Variants in GAB2 observed in about 807,000 individuals in gnomAD.
The protein encoded by GAB2 is GRB2-associated-binding protein 2.
Under a neutral mutation model 65.5 loss-of-function variants are expected in GAB2, and 26 were observed. The observed-to-expected ratio is 0.40, with a 90% CI of 0.29 to 0.55. GAB2 has a LOEUF of 0.55. GAB2 is among the 20% of genes least tolerant of loss of function. The probability of loss-of-function intolerance (pLI) is 0.53; values close to 1 mark genes in which losing one functional copy is unlikely to be tolerated. For synonymous variants in GAB2, 321 were observed against 329.6 expected, an observed-to-expected ratio of 0.97 and a Z score of 0.28; for missense variants, 884 against 875.8, an observed-to-expected ratio of 1.01 and a Z score of -0.12.
chr11:78,235,556 C>T (rs558454093), intron 3 of GAB2, among the ~76,000 whole-genome samples: 1 of 152,310 alleles, frequency 6.6e-6, no homozygotes, highest in Non-Finnish European at 1.5e-5. Flanking sequence ...CAAGTCACCT[C>T]TTGAATGCTT....
At chr11:78,237,776 A>G (rs977146544) in intron 3 of GAB2, among the ~76,000 whole-genome samples, 2 of 152,228 alleles carry the variant, frequency 1.3e-5, no homozygotes, top group Non-Finnish European at 2.9e-5. Context: ...AAGTCTCAGA[A>G]GGAATGCCCA....
At chr11:78,248,843 C>G (rs1025377663) in intron 3 of GAB2, among the ~76,000 whole-genome samples, 1 of 152,224 alleles carries the variant, frequency 6.6e-6, no homozygotes, top group Non-Finnish European at 1.5e-5. Context: ...TTATACCACA[C>G]TGCCTATCTC....
chr11:78,283,762 A>G (rs1262234378), intron 1 of GAB2, among the ~76,000 whole-genome samples: 3 of 152,140 alleles, frequency 2.0e-5, no homozygotes, highest in Non-Finnish European at 2.9e-5. Context: ...ACCTGGCTTC[A>G]GCATGCACTC....
intron 1 of GAB2, among the ~76,000 whole-genome samples, chr11:78,346,674 C>CATATAT (rs71046967): frequency 2.7e-4 from 15 of 54,886 alleles, no homozygotes; most frequent in Non-Finnish European, 3.2e-4. Flanking sequence ...ACATCCCCTC[C>CATATAT]ATATATATAT....
At chr11:78,287,700 G>A (rs968317342) in intron 1 of GAB2, among the ~76,000 whole-genome samples, 6 of 149,244 alleles carry the variant, frequency 4.0e-5, no homozygotes, top group African/African-American at 1.5e-4. Flanking sequence ...TCAGGGTGGA[G>A]TGCAGTGGCA....
intron 2 of GAB2, among the ~76,000 whole-genome samples, chr11:78,279,987 A>C (rs375919168): frequency 6.6e-6 from 1 of 152,214 alleles, no homozygotes; most frequent in Non-Finnish European, 1.5e-5. Flanking sequence ...AGATGAGCCT[A>C]AACAAATGTT....
At chr11:78,358,786 C>A (rs528128979) in intron 1 of GAB2, among the ~76,000 whole-genome samples, 1 of 152,130 alleles carries the variant, frequency 6.6e-6, no homozygotes, top group East Asian at 1.9e-4. Flanking sequence ...CCAGGAAAAA[C>A]TGATGACAGA....
intron 3 of GAB2, among the ~76,000 whole-genome samples, chr11:78,237,637 G>T (rs994393373): frequency 2.0e-5 from 3 of 152,068 alleles, no homozygotes; most frequent in Non-Finnish European, 2.9e-5. Flanking sequence ...AAAAAGGGTG[G>T]GGAAATGTAG....
chr11:78,352,395 A>T (rs936509603), intron 1 of GAB2, among the ~76,000 whole-genome samples: 1 of 152,216 alleles, frequency 6.6e-6, no homozygotes, highest in East Asian at 1.9e-4. Flanking sequence ...AAGGCACTAG[A>T]GGACAGAGCT....
intron 1 of GAB2, among the ~76,000 whole-genome samples, chr11:78,401,610 T>C (rs1008956221): frequency 1.3e-5 from 2 of 152,014 alleles, no homozygotes; most frequent in African/African-American, 4.8e-5. Context: ...TGTCCATGTA[T>C]TAAAGTTTTC....
intron 2 of GAB2, among the ~76,000 whole-genome samples, chr11:78,267,703 A>C (rs1865904853): frequency 6.6e-6 from 1 of 151,718 alleles, no homozygotes; most frequent in African/African-American, 2.4e-5. Flanking sequence ...CTAAAAATAC[A>C]AAAAATTAGC....
intron 1 of GAB2, among the ~76,000 whole-genome samples, chr11:78,403,806 C>A (rs1477848952): frequency 6.6e-6 from 1 of 152,162 alleles, no homozygotes; most frequent in Admixed American, 6.5e-5. Context: ...AAACAACTCA[C>A]AGAATGCGAG....
chr11:78,346,822 C>G (rs1400783892), intron 1 of GAB2, among the ~76,000 whole-genome samples: 1 of 149,006 alleles, frequency 6.7e-6, no homozygotes, highest in Non-Finnish European at 1.5e-5. Flanking sequence ...ATAGACCTTT[C>G]TTTTTAGAGG....
chr11:78,272,788 T>C (rs1866050222), intron 2 of GAB2, among the ~76,000 whole-genome samples: 1 of 152,214 alleles, frequency 6.6e-6, no homozygotes, highest in South Asian at 2.1e-4. Flanking sequence ...CAGCAGCGCT[T>C]CCCATTACAA....
intron 1 of GAB2, among the ~76,000 whole-genome samples, chr11:78,379,918 G>C (rs1219257745): frequency 1.3e-5 from 2 of 152,206 alleles, no homozygotes; most frequent in Non-Finnish European, 2.9e-5. Flanking sequence ...AGACAATGTT[G>C]AATCATTTTT....
At chr11:78,388,426 G>A (rs540823156) in intron 1 of GAB2, among the ~76,000 whole-genome samples, 4 of 151,742 alleles carry the variant, frequency 2.6e-5, no homozygotes, top group African/African-American at 7.3e-5. Context: ...TCCTGGGCTT[G>A]GGCAATCCTC....
chr11:78,282,361 C>T (rs1257518129), intron 1 of GAB2, among the ~76,000 whole-genome samples: 1 of 150,718 alleles, frequency 6.6e-6, no homozygotes. Context: ...GGCTGGAGTG[C>T]AGTGGCATGA....
chr11:78,249,550 C>G (rs952900367), intron 3 of GAB2, among the ~76,000 whole-genome samples: 3 of 152,136 alleles, frequency 2.0e-5, no homozygotes, highest in Admixed American at 1.3e-4. Context: ...GACCATTATC[C>G]TAGAACAGGG....
rs184169665 is a variant in GAB2 at position 78,376,784 on chromosome 11, A to G, written c.75+40862T>C. ...TAATCAGCCTGGGCTGCTATAACAAATTACCATAGACTAGGTGACTTAAAC... is the reference window on the plus strand; with the variant it reads ...TAATCAGCCTGGGCTGCTATAACAAGTTACCATAGACTAGGTGACTTAAAC... On this transcript the variant is annotated intron_variant, in intron 1 of 9. Transcript: ENST00000361507. Among the ~76,000 whole-genome samples the G allele has an allele frequency of 2.1e-3, 316 of 152,212 alleles. 1 individual carries two copies. Among genetic ancestry groups the G allele is most frequent in the African/African-American group, 6.7e-3 (280 of 41,546 alleles).
Sources: gnomAD v4.1 joint callset for allele counts (sites outside exome capture counted in the v4.1 genomes callset) on GRCh38, gnomAD v4.1.1 for gene constraint, MANE v1.5 for transcripts, NCBI Gene and HGNC (gene_info 2026-07-23, HGNC 2026-07-21) for gene names.